SYT1: variants seen among roughly 807,000 people sequenced by gnomAD.
The protein encoded by SYT1 is synaptotagmin 1.
Under a neutral mutation model 44.8 loss-of-function variants are expected in SYT1, and 8 were observed. That is an observed-to-expected ratio of 0.18 (90% CI 0.10 to 0.32). The LOEUF (loss-of-function observed/expected upper bound fraction) is 0.32. SYT1 is among the 10% of genes least tolerant of loss of function. The pLI, the probability that SYT1 is intolerant of heterozygous loss-of-function variation, is 1.00. For missense variants in SYT1, 286 were observed against 509.3 expected, an observed-to-expected ratio of 0.56 and a Z score of 4.22; for synonymous variants, 154 against 188.8, an observed-to-expected ratio of 0.82 and a Z score of 1.51.
chr12:78,905,754 G>C (rs945432902), intron 1 of SYT1, among the ~76,000 whole-genome samples: 2 of 151,930 alleles, frequency 1.3e-5, no homozygotes, highest in Non-Finnish European at 2.9e-5. Flanking sequence ...GAAAAGTAAA[G>C]ATAGAGTTTT....
chr12:78,921,656 C>G (rs778617292), intron 1 of SYT1, among the ~76,000 whole-genome samples: 11 of 151,958 alleles, frequency 7.2e-5, no homozygotes, highest in South Asian at 2.1e-4. Flanking sequence ...AGGCTTCTTC[C>G]CATTGGTATG....
chr12:79,003,731 A>C (rs1870894651), intron 2 of SYT1, among the ~76,000 whole-genome samples: 1 of 151,898 alleles, frequency 6.6e-6, no homozygotes, highest in Non-Finnish European at 1.5e-5. Flanking sequence ...TGTTTTCTCA[A>C]TTTGTAAGTG....
chr12:79,233,089 A>T (rs1875966205), intron 4 of SYT1, among the ~76,000 whole-genome samples: 1 of 149,224 alleles, frequency 6.7e-6, no homozygotes, highest in African/African-American at 2.5e-5. Context: ...TTCATTGTTT[A>T]TTTTTTTCTC....
intron 5 of SYT1, among the ~76,000 whole-genome samples, chr12:79,291,092 A>G (rs757688770): frequency 1.3e-5 from 2 of 152,178 alleles, no homozygotes; most frequent in Non-Finnish European, 2.9e-5. Context: ...AACACATTAT[A>G]TATTTTGATT....
intron 8 of SYT1, among the ~76,000 whole-genome samples, chr12:79,322,071 A>T (rs1012578886): frequency 6.6e-6 from 1 of 152,172 alleles, no homozygotes; most frequent in African/African-American, 2.4e-5. Flanking sequence ...TTCTCAGTAT[A>T]CAGTCTGGTC....
At chr12:79,210,694 T>C (rs1470666338) in intron 3 of SYT1, among the ~76,000 whole-genome samples, 1 of 152,232 alleles carries the variant, frequency 6.6e-6, no homozygotes, top group East Asian at 1.9e-4. Flanking sequence ...TTGCGAATTG[T>C]GCTGCTATAA....
At chr12:79,293,411 T>TAAAATAAAATAAAATAAAATAAAATA (rs1565894734) in intron 6 of SYT1, among the ~76,000 whole-genome samples, 1 of 62,938 alleles carries the variant, frequency 1.6e-5, no homozygotes, top group African/African-American at 5.6e-5. Flanking sequence ...AAAATAAAAT[T>TAAAATAAAATAAAATAAAATAAAATA]AAAAAATCTG....
At chr12:79,136,127 T>G (rs948319062) in intron 3 of SYT1, among the ~76,000 whole-genome samples, 2 of 152,204 alleles carry the variant, frequency 1.3e-5, no homozygotes, top group Non-Finnish European at 2.9e-5. Context: ...ATTTAACATT[T>G]AGATAGAAAA....
chr12:79,261,849 C>T (rs1283554169), intron 4 of SYT1, among the ~76,000 whole-genome samples: 1 of 152,012 alleles, frequency 6.6e-6, no homozygotes. Flanking sequence ...TCTCTGAGTC[C>T]AAACCTCTAG....
intron 9 of SYT1, among the ~76,000 whole-genome samples, chr12:79,440,639 G>A (rs1870356730): frequency 2.6e-5 from 4 of 152,078 alleles, no homozygotes; most frequent in South Asian, 4.1e-4. Context: ...CCATAAAATT[G>A]TGTTTTATTA....
At chr12:78,888,448 C>A (rs774586539) in intron 1 of SYT1, among the ~76,000 whole-genome samples, 1 of 151,886 alleles carries the variant, frequency 6.6e-6, no homozygotes, top group Non-Finnish European at 1.5e-5. Flanking sequence ...AGTTGTAAGA[C>A]ATTTTATGCA....
At chr12:79,007,408 A>G (rs926112718) in intron 2 of SYT1, among the ~76,000 whole-genome samples, 2 of 152,110 alleles carry the variant, frequency 1.3e-5, no homozygotes, top group Non-Finnish European at 2.9e-5. Context: ...GGGTGAAAAC[A>G]TGCATGTTTT....
At chr12:79,129,802 T>C in intron 3 of SYT1, among the ~76,000 whole-genome samples, 1 of 152,278 alleles carries the variant, frequency 6.6e-6, no homozygotes, top group Middle Eastern at 3.4e-3. Context: ...GCTTTTAATA[T>C]AGTAAATCTA....
At chr12:79,343,759 A>G (rs1300204376) in intron 8 of SYT1, among the ~76,000 whole-genome samples, 3 of 152,246 alleles carry the variant, frequency 2.0e-5, no homozygotes, top group African/African-American at 7.2e-5. Context: ...TTTATAAAAC[A>G]TATAAATGAA....
chr12:79,059,439 C>T (rs534452314), intron 3 of SYT1, among the ~76,000 whole-genome samples: 1 of 152,078 alleles, frequency 6.6e-6, no homozygotes, highest in East Asian at 1.9e-4. Flanking sequence ...AAATGTAAAA[C>T]CATCCACTCA....
intron 3 of SYT1, among the ~76,000 whole-genome samples, chr12:79,059,728 G>A (rs1388382546): frequency 6.6e-6 from 1 of 152,024 alleles, no homozygotes; most frequent in Admixed American, 6.6e-5. Context: ...GTTATACCAG[G>A]CTACTGTTAG....
At chr12:78,872,542 T>A (rs1045371988) in intron 1 of SYT1, among the ~76,000 whole-genome samples, 1 of 151,852 alleles carries the variant, frequency 6.6e-6, no homozygotes, top group Non-Finnish European at 1.5e-5. Flanking sequence ...ATATAGGAAT[T>A]CCTTTGTGTT....
intron 8 of SYT1, among the ~76,000 whole-genome samples, chr12:79,301,304 T>C (rs1169158306): frequency 6.6e-6 from 1 of 152,096 alleles, no homozygotes; most frequent in Non-Finnish European, 1.5e-5. Context: ...ACATCCAAGA[T>C]CACACCCAGT....
At chr12:79,330,491 A>G (rs968077507) in intron 8 of SYT1, among the ~76,000 whole-genome samples, 1 of 152,316 alleles carries the variant, frequency 6.6e-6, no homozygotes, top group African/African-American at 2.4e-5. Flanking sequence ...TCTGTGCTTA[A>G]CAGACCTGTT....
Sources: allele counts gnomAD v4.1 joint callset (sites outside exome capture counted in the v4.1 genomes callset), GRCh38; gene constraint gnomAD v4.1.1; transcripts MANE v1.5; gene names NCBI Gene and HGNC (gene_info 2026-07-23, HGNC 2026-07-21).